Variants in NDFIP1 observed in about 807,000 individuals in gnomAD.
NDFIP1 encodes the protein Nedd4 family interacting protein 1.
In NDFIP1, 7 loss-of-function variants were observed where a neutral mutation model predicts 28.8. That is an observed-to-expected ratio of 0.24 (90% CI 0.14 to 0.46). NDFIP1 has a LOEUF of 0.46. Ranked by LOEUF, NDFIP1 falls within the 20% of genes least tolerant of loss-of-function variation. The pLI is 0.99. For missense variants in NDFIP1, 194 were observed against 269.1 expected (o/e 0.72, Z 1.95); for synonymous variants, 92 against 101.0 (o/e 0.91, Z 0.53).
intron 1 of NDFIP1, among the ~76,000 whole-genome samples, chr5:142,123,057 G>C (rs13173848): frequency 6.6e-6 from 1 of 151,910 alleles, no homozygotes; most frequent in African/African-American, 2.4e-5. Context: ...CTACCTCCCA[G>C]GTTGCAGTGA....
At chr5:142,136,490 C>A (rs1356640722) in intron 4 of NDFIP1, among the ~76,000 whole-genome samples, 2 of 152,180 alleles carry the variant, frequency 1.3e-5, no homozygotes, top group Non-Finnish European at 2.9e-5. Context: ...CATGGTGGCT[C>A]ATGCCTATAA....
rs143956762 is a variant in NDFIP1 at position 142,120,949 on chromosome 5, T to C, written c.64-10859T>C. Among the ~76,000 whole-genome samples the C allele has an allele frequency of 8.3e-3, 1,265 of 152,362 alleles. 15 individuals carry two copies. Among genetic ancestry groups the C allele is most frequent in the African/African-American group, 0.029 (1,205 of 41,580 alleles). On this transcript the variant is annotated intron_variant, in intron 1 of 7. Coordinates refer to ENST00000253814, the MANE Select transcript of NDFIP1 (RefSeq NM_030571.4). ...AGAATACCTTTTCCCACCCATAATGTCTACCTGAGTATGCTCTACTCCAGG... is the reference window on the plus strand; with the variant it reads ...AGAATACCTTTTCCCACCCATAATGCCTACCTGAGTATGCTCTACTCCAGG...
intron 4 of NDFIP1, among the ~76,000 whole-genome samples, chr5:142,136,552 C>T (rs528619075): frequency 6.6e-6 from 1 of 150,958 alleles, no homozygotes; most frequent in South Asian, 2.1e-4. Flanking sequence ...GTCAGGAGTT[C>T]GAGACCAGCC....
At chr5:142,133,427 A>T (rs1184017075) in intron 3 of NDFIP1, among the ~76,000 whole-genome samples, 1 of 152,236 alleles carries the variant, frequency 6.6e-6, no homozygotes, top group African/African-American at 2.4e-5. Flanking sequence ...CTTGAAAGGT[A>T]GAGATTATAT....
At chr5:142,130,072 G>T (rs1215952619) in intron 1 of NDFIP1, among the ~76,000 whole-genome samples, 7 of 152,122 alleles carry the variant, frequency 4.6e-5, no homozygotes, top group Non-Finnish European at 1.0e-4. Context: ...AAGTATGTCA[G>T]TTGGCTCTGT....
intron 1 of NDFIP1, among the ~76,000 whole-genome samples, chr5:142,125,951 G>C (rs139894802): frequency 6.6e-6 from 1 of 152,186 alleles, no homozygotes; most frequent in Non-Finnish European, 1.5e-5. Context: ...TTATAATTGG[G>C]TTGCCTTTTT....
intron 1 of NDFIP1, among the ~76,000 whole-genome samples, chr5:142,115,346 C>T (rs551187906): frequency 3.3e-5 from 5 of 152,240 alleles, no homozygotes; most frequent in South Asian, 2.1e-4. Flanking sequence ...GGCAATGGCG[C>T]GATCTCGGCT....
chr5:142,128,555 T>C (rs954471415), intron 1 of NDFIP1, among the ~76,000 whole-genome samples: 1 of 152,156 alleles, frequency 6.6e-6, no homozygotes, highest in Non-Finnish European at 1.5e-5. Flanking sequence ...CACTAAGTGC[T>C]TACTCTTTTT....
rs1240904416 is a variant in NDFIP1 at position 142,108,827 on chromosome 5, G to A, written c.-148G>A. On this transcript the variant is annotated 5_prime_UTR_variant, in exon 1 of 8. Coordinates refer to ENST00000253814, the MANE Select transcript of NDFIP1 (RefSeq NM_030571.4). ...GGCGGCGGCGGTGCTTACAGCCTGA[G>A]AAGAGCGTCTCGCCCGGGAGCGGCG... The A allele has an allele frequency of 6.8e-6, 4 of 590,932 alleles. No individual in the cohort carries two copies. Among genetic ancestry groups the A allele is most frequent in the Non-Finnish European group, 1.0e-5 (4 of 385,834 alleles). 36.6% of individuals were successfully genotyped at this position (590,932 alleles called of 1,614,324 possible).
At chr5:142,111,595 G>A (rs1440388249) in intron 1 of NDFIP1, among the ~76,000 whole-genome samples, 1 of 152,176 alleles carries the variant, frequency 6.6e-6, no homozygotes, top group Non-Finnish European at 1.5e-5. Context: ...ACACAGGGCT[G>A]TTCTGACTTC....
intron 7 of NDFIP1, among the ~76,000 whole-genome samples, chr5:142,145,000 C>T (rs1338814476): frequency 6.6e-6 from 1 of 152,224 alleles, no homozygotes; most frequent in African/African-American, 2.4e-5. Context: ...CCACTGCTTA[C>T]TGTTGCACCA....
At chr5:142,135,460 TATTAA>T (rs1159916357) in intron 3 of NDFIP1, among the ~76,000 whole-genome samples, 1 of 152,224 alleles carries the variant, frequency 6.6e-6, no homozygotes, top group East Asian at 1.9e-4. Flanking sequence ...TTTTGAAGTG[TATTAA>T]ATTTTTGAAG....
intron 6 of NDFIP1, among the ~76,000 whole-genome samples, chr5:142,141,342 A>AT (rs1757328194): frequency 1.3e-5 from 2 of 151,062 alleles, no homozygotes; most frequent in African/African-American, 4.9e-5. Flanking sequence ...CGCCCGGCTA[A>AT]TTTTTTTGTA....
At chr5:142,138,169 AG>A (rs140644645) in intron 5 of NDFIP1, 5,908 of 184,874 alleles carry the variant, frequency 0.032, 132 homozygotes, top group Middle Eastern at 0.074. Context: ...AATAAAAGGA[AG>A]GATATTACCC....
chr5:142,130,485 G>A (rs1757216496), intron 1 of NDFIP1, among the ~76,000 whole-genome samples: 1 of 152,164 alleles, frequency 6.6e-6, no homozygotes, highest in African/African-American at 2.4e-5. Flanking sequence ...TGGTTTGTCT[G>A]TGATTTGTCT....
At chr5:142,141,221 G>T (rs1209660957) in intron 6 of NDFIP1, among the ~76,000 whole-genome samples, 1 of 134,212 alleles carries the variant, frequency 7.5e-6, no homozygotes, top group Non-Finnish European at 1.5e-5. Context: ...TGTCGCACAG[G>T]CTGGAGTGCA....
intron 1 of NDFIP1, among the ~76,000 whole-genome samples, chr5:142,115,352 C>G (rs1030724318): frequency 6.6e-6 from 1 of 152,114 alleles, no homozygotes; most frequent in Non-Finnish European, 1.5e-5. Context: ...GGCGCGATCT[C>G]GGCTCACTGC....
intron 1 of NDFIP1, among the ~76,000 whole-genome samples, chr5:142,117,576 T>G (rs1028261200): frequency 5.9e-5 from 9 of 152,126 alleles, no homozygotes; most frequent in Admixed American, 3.9e-4. Context: ...AAATGTGATA[T>G]TTAAAATTAA....
chr5:142,154,349 AG>A lies in NDFIP1; in HGVS notation c.*2624del, dbSNP rs1007202529. On this transcript the variant is annotated 3_prime_UTR_variant, in exon 8 of 8. Transcript: ENST00000253814. ...TGAAACTCTGTACTCTTATGTTTAA[AG>A]GGTTCTGTATAGCCATTTTTTTTTT... is the stretch of plus-strand genomic sequence containing the variant. The A allele has an allele frequency of 1.3e-5, 2 of 152,104 alleles. No homozygotes were observed. Among genetic ancestry groups the A allele is most frequent in the Non-Finnish European group, 2.9e-5 (2 of 68,036 alleles). 9.4% of individuals were successfully genotyped at this position (152,104 alleles called of 1,614,324 possible).
Sources: allele counts gnomAD v4.1 joint callset (sites outside exome capture counted in the v4.1 genomes callset), GRCh38; gene constraint gnomAD v4.1.1; transcripts MANE v1.5; gene names NCBI Gene and HGNC (gene_info 2026-07-23, HGNC 2026-07-21).